Variants in NRXN1 observed in about 807,000 individuals in gnomAD.
NRXN1 encodes the protein neurexin-1.
NRXN1 carries 39 observed loss-of-function variants against 150.9 expected under a neutral mutation model. The ratio of observed to expected loss-of-function variants is 0.26; its 90% CI spans 0.20 to 0.34. The LOEUF is 0.34. NRXN1 is among the 10% of genes least tolerant of loss of function. NRXN1 has a pLI of 1.00. For synonymous variants in NRXN1, 924 were observed against 757.0 expected, an observed-to-expected ratio of 1.22 and a Z score of -3.62; for missense variants, 1,815 against 1,949.9, an observed-to-expected ratio of 0.93 and a Z score of 1.30.
intron 17 of NRXN1, among the ~76,000 whole-genome samples, chr2:50,268,274 G>C (rs946289088): frequency 2.0e-5 from 3 of 152,150 alleles, no homozygotes; most frequent in Non-Finnish European, 2.9e-5. Flanking sequence ...GAATAAGAAA[G>C]AGAAGAAGCC....
intron 18 of NRXN1, among the ~76,000 whole-genome samples, chr2:50,179,822 T>C: frequency 6.6e-6 from 1 of 152,070 alleles, no homozygotes; most frequent in Non-Finnish European, 1.5e-5. Flanking sequence ...TAGGAGTGCT[T>C]AACCTAGAGC....
chr2:50,175,239 A>G (rs991573988), intron 18 of NRXN1: 1 of 152,226 alleles, frequency 6.6e-6, no homozygotes, highest in African/African-American at 2.4e-5. Context: ...ACACGGTCAC[A>G]CAAATCAAGT....
intron 21 of NRXN1, among the ~76,000 whole-genome samples, chr2:50,000,856 C>T (rs1683803869): frequency 6.6e-6 from 1 of 152,138 alleles, no homozygotes; most frequent in Non-Finnish European, 1.5e-5. Context: ...TGAGTTCTGG[C>T]TGAGATGCGG....
chr2:50,890,072 T>C (rs898399429), intron 5 of NRXN1, among the ~76,000 whole-genome samples: 1 of 151,836 alleles, frequency 6.6e-6, no homozygotes, highest in Admixed American at 6.6e-5. Context: ...TCCTTTAATA[T>C]AGAGGCTTAG....
intron 17 of NRXN1, among the ~76,000 whole-genome samples, chr2:50,424,198 AGGAGGGAAGAGG>A (rs2084270671): frequency 1.2e-5 from 1 of 84,372 alleles, no homozygotes; most frequent in African/African-American, 5.2e-5. Flanking sequence ...GGGGAGGAGG[AGGAGGGAAGAGG>A]AGGAGAAGGA....
Position 50,091,233 on chromosome 2 carries a change from C to A in NRXN1, c.3718+90G>T, listed in dbSNP as rs534639403. The A allele has an allele frequency of 1.5e-5, 22 of 1,477,210 alleles. No individual in the cohort carries two copies. The East Asian group carries it at 4.7e-4, about 32-fold the overall frequency. 91.5% of individuals were successfully genotyped at this position (1,477,210 alleles called of 1,614,324 possible). ...AATAGTTGATGGTTTCTCAGAAAAC[C>A]ACAATTTGGTGAAACGGATGCAAAA... On this transcript the variant is annotated intron_variant, in intron 19 of 22. Coordinates refer to ENST00000401669, the MANE Select transcript of NRXN1 (RefSeq NM_001330078.2).
chr2:50,240,546 A>T (rs2065915063), intron 17 of NRXN1, among the ~76,000 whole-genome samples: 1 of 151,708 alleles, frequency 6.6e-6, no homozygotes, highest in Non-Finnish European at 1.5e-5. Flanking sequence ...GATGGCTTAA[A>T]GTTTCAAAAT....
chr2:50,000,015 C>T (rs1479209318), intron 21 of NRXN1, among the ~76,000 whole-genome samples: 1 of 152,174 alleles, frequency 6.6e-6, no homozygotes, highest in African/African-American at 2.4e-5. Flanking sequence ...CTAATACTCT[C>T]ACATTGGGTG....
intron 5 of NRXN1, among the ~76,000 whole-genome samples, chr2:50,773,928 G>C (rs1703302719): frequency 6.6e-6 from 1 of 152,082 alleles, no homozygotes; most frequent in Non-Finnish European, 1.5e-5. Context: ...CTGATGAGAA[G>C]AAACAGGCCC....
intron 5 of NRXN1, among the ~76,000 whole-genome samples, chr2:50,683,646 A>AAAAAAAAAAAAAAAAAAGAT: frequency 6.7e-5 from 1 of 14,910 alleles, no homozygotes; most frequent in African/African-American, 3.6e-4. Context: ...AAAAAAAAAA[A>AAAAAAAAAAAAAAAAAAGAT]ATATATATAT....
chr2:49,991,360 AG>A (rs1194052115), intron 21 of NRXN1, among the ~76,000 whole-genome samples: 1 of 152,168 alleles, frequency 6.6e-6, no homozygotes, highest in Admixed American at 6.5e-5. Context: ...TCCTGGAACT[AG>A]TAAATGATTA....
At chr2:50,918,528 A>G (rs1005429228) in intron 5 of NRXN1, 4 of 368,362 alleles carry the variant, frequency 1.1e-5, no homozygotes, top group Non-Finnish European at 1.5e-5. Flanking sequence ...GCTGATAATT[A>G]TTAACTTGTG....
At chr2:50,550,679 A>T (rs1558921342) in intron 9 of NRXN1, among the ~76,000 whole-genome samples, 1 of 147,872 alleles carries the variant, frequency 6.8e-6, no homozygotes, top group East Asian at 2.0e-4. Flanking sequence ...TTTTATTTTT[A>T]TTTTTTATTT....
intron 16 of NRXN1, among the ~76,000 whole-genome samples, chr2:50,470,199 A>T (rs1006897890): frequency 6.6e-5 from 10 of 151,774 alleles, no homozygotes; most frequent in African/African-American, 2.4e-4. Context: ...AATAAAATAA[A>T]GGTACACATT....
intron 21 of NRXN1, among the ~76,000 whole-genome samples, chr2:49,995,878 A>AG (rs1353457181): frequency 7.1e-6 from 1 of 141,326 alleles, no homozygotes; most frequent in African/African-American, 2.5e-5. Flanking sequence ...AAAAAAAAAA[A>AG]AAAAAGAAAA....
rs765085889 is a variant in NRXN1 at position 50,465,435 on chromosome 2, T to G, written c.3364+7A>C. On this transcript the variant is annotated splice_region_variant and intron_variant, in intron 17 of 22. Coordinates refer to ENST00000401669, the MANE Select transcript of NRXN1 (RefSeq NM_001330078.2). ...GAGTATCAGTCCATACTCAGAGAGGTACTTACGGTCATTGCAGAGTGGTCC... is the reference window on the plus strand; with the variant it reads ...GAGTATCAGTCCATACTCAGAGAGGGACTTACGGTCATTGCAGAGTGGTCC... 1.0e-5 allele frequency: 16 copies of G among 1,604,834 alleles called. No homozygotes were observed. The South Asian group carries it at 1.8e-4, about 18-fold the overall frequency.
intron 21 of NRXN1, among the ~76,000 whole-genome samples, chr2:50,017,114 T>G (rs1686772171): frequency 6.6e-6 from 1 of 152,202 alleles, no homozygotes; most frequent in African/African-American, 2.4e-5. Flanking sequence ...TTTTATGCAC[T>G]ATAATTGTGT....
intron 8 of NRXN1, among the ~76,000 whole-genome samples, chr2:50,561,484 A>G: frequency 6.6e-6 from 1 of 152,166 alleles, no homozygotes; most frequent in Admixed American, 6.5e-5. Context: ...CTAGAAGGCT[A>G]TCCAAGTTGG....
At chr2:50,516,415 C>T (rs1026253949) in intron 12 of NRXN1, among the ~76,000 whole-genome samples, 2 of 152,142 alleles carry the variant, frequency 1.3e-5, no homozygotes, top group African/African-American at 4.8e-5. Context: ...GTAGATTCTA[C>T]ATTCAGGAAT....
Sources: allele counts gnomAD v4.1 joint callset (sites outside exome capture counted in the v4.1 genomes callset), GRCh38; gene constraint gnomAD v4.1.1; transcripts MANE v1.5; gene names NCBI Gene and HGNC (gene_info 2026-07-23, HGNC 2026-07-21).